The following HSP90AA1 variants were observed in gnomAD, a reference collection of about 807,000 sequenced individuals.
HSP90AA1 encodes heat shock protein 90 alpha family class A member 1, also known as heat shock protein HSP 90-alpha.
In HSP90AA1, 18 loss-of-function variants were observed where a neutral mutation model predicts 73.3. That is an observed-to-expected ratio of 0.25 (90% CI 0.17 to 0.36). The LOEUF (loss-of-function observed/expected upper bound fraction) is 0.36. HSP90AA1 is among the 10% of genes least tolerant of loss of function. The pLI is 1.00. For missense variants in HSP90AA1, 704 were observed against 874.2 expected, an observed-to-expected ratio of 0.81 and a Z score of 2.45; for synonymous variants, 477 against 296.9, an observed-to-expected ratio of 1.61 and a Z score of -6.24.
rs2050201302 is a variant in HSP90AA1, at chr14:102,139,574, T to C, written c.-170A>G. ...CTCATGACACCAGCCCCGCCGCGGTTCCCCCTGACCGGCTTTCCGCTGGCC... is the reference window on the plus strand; with the variant it reads ...CTCATGACACCAGCCCCGCCGCGGTCCCCCCTGACCGGCTTTCCGCTGGCC... On this transcript the variant is annotated 5_prime_UTR_variant, in exon 1 of 12. Transcript: ENST00000334701. 3 of 740,330 alleles carry C rather than the reference T, an allele frequency of 4.1e-6. 1 individual carries two copies. The South Asian group carries it at 5.8e-5, about 14-fold the overall frequency. 45.9% of individuals were successfully genotyped at this position (740,330 alleles called of 1,614,324 possible).
chr14:102,087,205 C>T (rs1398947750), upstream of HSP90AA1: 25 of 978,582 alleles, frequency 2.6e-5, no homozygotes, highest in Non-Finnish European at 3.0e-5. Context: ...GCCCCCGCGC[C>T]TTCCTGCGGG....
chr14:102,133,503 G>C (rs1405259900), intron 1 of HSP90AA1, among the ~76,000 whole-genome samples: 1 of 123,556 alleles, frequency 8.1e-6, no homozygotes, highest in African/African-American at 2.9e-5. Context: ...TTTTTTTTGA[G>C]ATGGAGTTTC....
chr14:102,082,266 G>A lies in HSP90AA1; in HGVS notation c.1934C>T (p.Thr645Ile). 3.7e-6 allele frequency: 6 copies of A among 1,613,884 alleles called. No homozygotes were observed. Among genetic ancestry groups the A allele is most frequent in the Non-Finnish European group, 5.1e-6 (6 of 1,179,836 alleles). The change falls in exon 10 of 11, where the codon ACC becomes ATC. Residue 645 changes from threonine (T) to isoleucine (I), a missense_variant. Transcript: ENST00000216281. ...EINPDHSIIETLRQKAEADKN... is the reference protein window; with the variant it reads ...EINPDHSIIEILRQKAEADKN... ...ATCAGCCTCTGCCTTTTGCCTTAAGGTCTCAATAATGGAATGGTCAGGGTT... is the reference window on the plus strand; with the variant it reads ...ATCAGCCTCTGCCTTTTGCCTTAAGATCTCAATAATGGAATGGTCAGGGTT...
rs2049199511 is a variant in HSP90AA1 at position 102,085,293 on chromosome 14, C to T, written c.663+5G>A. Reference sequence around the variant, plus strand: ...AATTCACTCTGCAATTACATAAAAACTTACAAAAAGAGTAATGGGATATCC... The same window carrying T: ...AATTCACTCTGCAATTACATAAAAATTTACAAAAAGAGTAATGGGATATCC... On this transcript the variant is annotated splice_donor_5th_base_variant and intron_variant, in intron 4 of 10. Transcript: ENST00000216281. The T allele has an allele frequency of 2.5e-6, 4 of 1,610,950 alleles. No individual in the cohort carries two copies. The African/African-American group carries it at 5.3e-5, about 22-fold the overall frequency.
At chr14:102,088,306 T>C (rs1050596984), upstream of HSP90AA1, among the ~76,000 whole-genome samples, 4 of 152,166 alleles carry the variant, frequency 2.6e-5, no homozygotes, top group African/African-American at 9.6e-5. Flanking sequence ...CCTCTTTGTC[T>C]CTGGCGCCTC....
rs1595692240 is a variant in HSP90AA1, at chr14:102,139,192, C to A, written c.155+58G>T. On this transcript the variant is annotated intron_variant, in intron 1 of 11. Transcript: ENST00000334701. ...CCTATGCTGTACCACATTCTTCTCT[C>A]CCCCTACCCCGCCTGAAATAAAACA... 3 of 1,596,652 alleles carry A rather than the reference C, an allele frequency of 1.9e-6. No homozygotes were observed. In the East Asian group the frequency reaches 6.7e-5, roughly 36 times the overall value.
intron 10 of HSP90AA1, 69 bp from the exon 11 acceptor site, chr14:102,081,890 GTT>G: frequency 1.2e-6 from 1 of 830,780 alleles, no homozygotes; most frequent in South Asian, 1.3e-5. Flanking sequence ...AATACTCTTG[GTT>G]TCTATCTGCT....
At chr14:102,138,931 C>T (rs946397212) in intron 1 of HSP90AA1, among the ~76,000 whole-genome samples, 1 of 152,104 alleles carries the variant, frequency 6.6e-6, no homozygotes, top group African/African-American at 2.4e-5. Flanking sequence ...AGTAAATAAT[C>T]TCACAGACTC....
chr14:102,085,717 C>A (rs1400193187), intron 3 of HSP90AA1, 41 bp downstream of exon 3: 2 of 1,613,790 alleles, frequency 1.2e-6, no homozygotes, highest in East Asian at 2.2e-5. Flanking sequence ...GCACCCCACC[C>A]TTCCACCGCT....
intron 2 of HSP90AA1, among the ~76,000 whole-genome samples, chr14:102,100,288 A>G (rs2049476074): frequency 6.6e-6 from 1 of 152,192 alleles, no homozygotes; most frequent in Admixed American, 6.5e-5. Flanking sequence ...TTGAGGAAGG[A>G]TAGCAGTGTT....
intron 1 of HSP90AA1, chr14:102,139,186 T>G (rs1200137728): frequency 1.3e-6 from 2 of 1,587,310 alleles, no homozygotes; most frequent in Non-Finnish European, 1.7e-6. Flanking sequence ...TACCACATTC[T>G]TCTCTCCCCC....
chr14:102,114,276 G>A (rs201073476), intron 1 of HSP90AA1, among the ~76,000 whole-genome samples: 1 of 152,148 alleles, frequency 6.6e-6, no homozygotes, highest in South Asian at 2.1e-4. Context: ...GGGATTACAG[G>A]TGTGAGCCAC....
rs768451527 is a variant in HSP90AA1, at chr14:102,084,525, G to C, written c.1021C>G (p.Leu341Val). ...VEGQLEFRAL[L>V]FVPRRAPFDL... ...AAAGGAGCACGTCGTGGGACAAATA[G>C]AAGGGCTCTGAATTCCAACTGTCCT... The change falls in exon 6 of 11, where the codon CTA becomes GTA. Residue 341 changes from leucine to valine, a missense_variant. Physicochemically the swap from Leu to Val is conservative, Grantham distance 32. Transcript: ENST00000216281. The C allele has an allele frequency of 6.2e-7, 1 of 1,614,208 alleles. No homozygotes were observed. Among genetic ancestry groups the C allele is most frequent in the Non-Finnish European group, 8.5e-7 (1 of 1,180,018 alleles).
rs1303859555 is a variant in HSP90AA1 at position 102,136,395 on chromosome 14, C to T, written c.155+2855G>A. ...CAGCCTGACCAACATGGCGAAACCC[C>T]GTCTCTGCTAAAAATACAAAAAAAT... On this transcript the variant is annotated intron_variant, in intron 1 of 11. Transcript: ENST00000334701. 4.1e-5 allele frequency among the ~76,000 whole-genome samples: 6 copies of T among 147,990 alleles called. No homozygotes were observed. In the South Asian group the frequency reaches 6.5e-4, roughly 16 times the overall value.
At position 102,086,005 on chromosome 14, in the gene HSP90AA1, A is replaced by G. The variant is rs2049221584; in HGVS notation, c.282T>C (p.Thr94=). ...AGTCAGCCTTGGTCATTCCAATTCCAGTATCCACAATAGTGAGAGTTCGAT... is the reference window on the plus strand; with the variant it reads ...AGTCAGCCTTGGTCATTCCAATTCCGGTATCCACAATAGTGAGAGTTCGAT... ...KQDRTLTIVD[T]GIGMTKADLI... Residue 94 remains threonine (T), a synonymous_variant, in exon 3 of 11, where the codon ACT becomes ACC. Transcript: ENST00000216281. 2.5e-6 allele frequency: 4 copies of G among 1,614,004 alleles called. No homozygotes were observed. Among genetic ancestry groups the G allele is most frequent in the East Asian group, 4.5e-5 (2 of 44,892 alleles).
At position 102,083,812 on chromosome 14, in the gene HSP90AA1, T is replaced by A; in HGVS notation, c.1319A>T (p.Gln440Leu). 1 of 1,613,506 alleles carries A rather than the reference T, an allele frequency of 6.2e-7. No homozygotes were observed. The highest frequency in any genetic ancestry group is 8.5e-7 in the Non-Finnish European group (1 of 1,179,740). Reference sequence around the variant, plus strand: ...ACCAACCTTTATGTTTTTAGAGAACTGCTCATAGAATTTCTTGTAGTTCTC... The same window carrying A: ...ACCAACCTTTATGTTTTTAGAGAACAGCTCATAGAATTTCTTGTAGTTCTC... ...DKENYKKFYE[Q>L]FSKNIKLGIH... Residue 440 changes from glutamine (Q) to leucine (L), a missense_variant, in exon 7 of 11, where the codon CAG becomes CTG. Transcript: ENST00000216281.
At chr14:102,128,365 C>T (rs1027343609) in intron 1 of HSP90AA1, among the ~76,000 whole-genome samples, 22 of 152,080 alleles carry the variant, frequency 1.4e-4, no homozygotes, top group Admixed American at 1.2e-3. Context: ...CAGTGGCTCA[C>T]GCCTGTAATC....
At chr14:102,134,206 C>A (rs2049948484) in intron 1 of HSP90AA1, among the ~76,000 whole-genome samples, 1 of 149,686 alleles carries the variant, frequency 6.7e-6, no homozygotes, top group South Asian at 2.1e-4. Flanking sequence ...GGCACGGTGG[C>A]ACATGCCTGC....
intron 1 of HSP90AA1, among the ~76,000 whole-genome samples, chr14:102,109,400 C>T (rs1031570820): frequency 6.6e-5 from 10 of 152,112 alleles, no homozygotes; most frequent in African/African-American, 2.4e-4. Flanking sequence ...TGGGAGGTAA[C>T]CGAATCATGG....
Sources: gnomAD v4.1 joint callset for allele counts (sites outside exome capture counted in the v4.1 genomes callset) on GRCh38, gnomAD v4.1.1 for gene constraint, MANE v1.5 for transcripts, NCBI Gene and HGNC (gene_info 2026-07-23, HGNC 2026-07-21) for gene names.